RIMS2: variants seen among roughly 807,000 people sequenced by gnomAD.
The protein encoded by RIMS2 is regulating synaptic membrane exocytosis protein 2.
A neutral mutation model predicts 174.4 loss-of-function variants in RIMS2; 59 were observed. The observed-to-expected ratio is 0.34, with a 90% CI of 0.27 to 0.42. The LOEUF (loss-of-function observed/expected upper bound fraction) is 0.42. Among genes scored for constraint, RIMS2 ranks in the 10% least tolerant of loss-of-function variants. The pLI is 1.00. For missense variants in RIMS2, 1,620 were observed against 1,666.3 expected, an observed-to-expected ratio of 0.97 and a Z score of 0.48; for synonymous variants, 606 against 572.5, an observed-to-expected ratio of 1.06 and a Z score of -0.84.
At chr8:103,836,473 G>C (rs903483469) in intron 3 of RIMS2, among the ~76,000 whole-genome samples, 2 of 152,150 alleles carry the variant, frequency 1.3e-5, no homozygotes, top group Non-Finnish European at 1.5e-5. Context: ...GATGCAGGAG[G>C]ATCATTGAGC....
chr8:104,079,597 T>TGATA (rs1555206239), intron 19 of RIMS2, among the ~76,000 whole-genome samples: 3 of 51,716 alleles, frequency 5.8e-5, no homozygotes, highest in African/African-American at 2.0e-4. Flanking sequence ...GGATTAAGCA[T>TGATA]GATATATATA....
chr8:103,898,010 C>T (rs566374145), intron 4 of RIMS2, among the ~76,000 whole-genome samples: 1 of 151,530 alleles, frequency 6.6e-6, no homozygotes, highest in Non-Finnish European at 1.5e-5. Flanking sequence ...GATGACCTAC[C>T]ACGCGTTGTG....
intron 19 of RIMS2, among the ~76,000 whole-genome samples, chr8:104,206,488 C>T (rs1413440311): frequency 6.6e-6 from 1 of 152,072 alleles, no homozygotes; most frequent in Non-Finnish European, 1.5e-5. Context: ...TTAAATTATC[C>T]ATTTAAAATA....
intron 19 of RIMS2, among the ~76,000 whole-genome samples, chr8:104,161,184 A>G (rs1345540046): frequency 1.3e-5 from 2 of 152,140 alleles, no homozygotes; most frequent in Non-Finnish European, 2.9e-5. Context: ...CATTAATATT[A>G]TTATTATATT....
intron 1 of RIMS2, among the ~76,000 whole-genome samples, chr8:103,613,393 G>C (rs1388908049): frequency 6.6e-6 from 1 of 152,100 alleles, no homozygotes. Context: ...AACGCCCAAG[G>C]GCTCTTCCAT....
intron 1 of RIMS2, among the ~76,000 whole-genome samples, chr8:103,626,307 T>A (rs1221459012): frequency 2.6e-5 from 4 of 152,186 alleles, no homozygotes; most frequent in Non-Finnish European, 5.9e-5. Context: ...TGTTACCAAC[T>A]AATTACAATC....
At chr8:103,830,845 G>T (rs2098821168) in intron 3 of RIMS2, among the ~76,000 whole-genome samples, 1 of 152,170 alleles carries the variant, frequency 6.6e-6, no homozygotes, top group Non-Finnish European at 1.5e-5. Context: ...GTCTTGCTCT[G>T]TTGCTCAGGC....
At chr8:103,713,778 A>G (rs544619246) in intron 2 of RIMS2, among the ~76,000 whole-genome samples, 1 of 152,298 alleles carries the variant, frequency 6.6e-6, no homozygotes, top group African/African-American at 2.4e-5. Flanking sequence ...TGAAGTTTCT[A>G]ATGGCATAAA....
At chr8:103,731,110 G>A (rs929977968) in intron 2 of RIMS2, among the ~76,000 whole-genome samples, 4 of 152,060 alleles carry the variant, frequency 2.6e-5, no homozygotes, top group Non-Finnish European at 4.4e-5. Context: ...AAGACCCACC[G>A]CATGATTCAA....
At chr8:104,069,416 A>G (rs1415628267) in intron 19 of RIMS2, among the ~76,000 whole-genome samples, 2 of 151,728 alleles carry the variant, frequency 1.3e-5, no homozygotes, top group Non-Finnish European at 2.9e-5. Flanking sequence ...GAATAAGTTG[A>G]AGTATGAGGT....
chr8:104,054,575 G>T (rs1323312972), intron 19 of RIMS2, among the ~76,000 whole-genome samples: 1 of 152,028 alleles, frequency 6.6e-6, no homozygotes, highest in Admixed American at 6.6e-5. Flanking sequence ...TCACAATATT[G>T]CTACATAAGC....
chr8:103,996,399 A>G (rs1237067369), intron 17 of RIMS2, among the ~76,000 whole-genome samples: 1 of 152,130 alleles, frequency 6.6e-6, no homozygotes. Context: ...TGAAGTGTCT[A>G]CATGTCACTC....
intron 2 of RIMS2, among the ~76,000 whole-genome samples, chr8:103,754,751 C>G (rs1591705613): frequency 6.6e-6 from 1 of 151,942 alleles, no homozygotes; most frequent in Non-Finnish European, 1.5e-5. Context: ...AGGATTATAA[C>G]CCCTGCTTTT....
intron 1 of RIMS2, among the ~76,000 whole-genome samples, chr8:103,569,847 G>C (rs994386854): frequency 6.6e-6 from 1 of 150,414 alleles, no homozygotes. Flanking sequence ...TTCGCAGGCT[G>C]GTCTTGAACT....
intron 1 of RIMS2, among the ~76,000 whole-genome samples, chr8:103,567,037 A>G (rs1456845583): frequency 6.6e-6 from 1 of 152,030 alleles, no homozygotes. Context: ...TAATCTTTCT[A>G]TGGATTTGCC....
intron 1 of RIMS2, among the ~76,000 whole-genome samples, chr8:103,530,918 T>G (rs1370107751): frequency 6.6e-6 from 1 of 151,930 alleles, no homozygotes; most frequent in African/African-American, 2.4e-5. Context: ...ATGTGAAAAT[T>G]TAATGACCTT....
intron 12 of RIMS2, among the ~76,000 whole-genome samples, chr8:103,934,662 C>G (rs2080812306): frequency 6.7e-6 from 1 of 150,292 alleles, no homozygotes; most frequent in African/African-American, 2.4e-5. Context: ...TCATGACTTA[C>G]TTTTCTTTTT....
chr8:103,611,573 G>A (rs984384814), intron 1 of RIMS2, among the ~76,000 whole-genome samples: 2 of 150,690 alleles, frequency 1.3e-5, no homozygotes, highest in African/African-American at 2.4e-5. Flanking sequence ...TAGGGTAAAC[G>A]TTTTTTCCTT....
At chr8:104,206,502 T>C (rs557292513) in intron 19 of RIMS2, among the ~76,000 whole-genome samples, 1 of 152,178 alleles carries the variant, frequency 6.6e-6, no homozygotes, top group African/African-American at 2.4e-5. Flanking sequence ...TAAAATAATA[T>C]AAAATATAAT....
Sources: allele counts gnomAD v4.1 joint callset (sites outside exome capture counted in the v4.1 genomes callset), GRCh38; gene constraint gnomAD v4.1.1; transcripts MANE v1.5; gene names NCBI Gene and HGNC (gene_info 2026-07-23, HGNC 2026-07-21).